Variants in PLEKHG5 observed in about 807,000 individuals in gnomAD.
The protein encoded by PLEKHG5 is pleckstrin homology domain-containing family G member 5.
PLEKHG5 carries 52 observed loss-of-function variants against 103.8 expected under a neutral mutation model. The ratio of observed to expected loss-of-function variants is 0.50; its 90% confidence interval spans 0.40 to 0.63. The LOEUF is 0.63. Ranked by LOEUF, PLEKHG5 falls within the 30% of genes least tolerant of loss-of-function variation. The probability of loss-of-function intolerance (pLI) is 0.00; values close to 1 mark genes in which losing one functional copy is unlikely to be tolerated. For missense variants in PLEKHG5, 1,205 were observed against 1,347.6 expected, an observed-to-expected ratio of 0.89 and a Z score of 1.66; for synonymous variants, 592 against 575.5, an observed-to-expected ratio of 1.03 and a Z score of -0.41.
In PLEKHG5 at chr1:6,475,638, G is replaced by T. The variant is rs943003350; in HGVS notation, c.150-116C>A. The T allele has an allele frequency of 4.0e-5, 37 of 923,884 alleles. 1 individual carries two copies. Among genetic ancestry groups the T allele is most frequent in the Middle Eastern group, 2.7e-4 (1 of 3,702 alleles). The allele number at this position is 923,884 out of a possible 1,614,324, so 57.2% of individuals were successfully genotyped here. On this transcript the variant is annotated intron_variant, in intron 3 of 20. Coordinates refer to ENST00000377728, the MANE Select transcript of PLEKHG5 (RefSeq NM_020631.6). ...GCTCACCCCAGGTGACAGGTAACCCGCGTGGATTCAACCCGGCCAGGCCCG... is the reference window on the plus strand; with the variant it reads ...GCTCACCCCAGGTGACAGGTAACCCTCGTGGATTCAACCCGGCCAGGCCCG...
In PLEKHG5 at chr1:6,490,895, A is replaced by AG. The variant is rs1362313059; in HGVS notation, c.-88+741dup. 1.3e-5 allele frequency among the ~76,000 whole-genome samples: 2 copies of AG among 151,980 alleles called. No individual in the cohort carries two copies. The highest frequency in any genetic ancestry group is 2.9e-5 in the Non-Finnish European group (2 of 67,976). ...AGCTCGCCCATCCCGGAAGGGGGCT[A>AG]GGGGGGACCAGGGCCCGCGACAGGA... On this transcript the variant is annotated intron_variant, in intron 1 of 20. Coordinates refer to ENST00000377728, the MANE Select transcript of PLEKHG5 (RefSeq NM_020631.6). The surrounding 1 kb of genome is among the most constrained non-coding windows in gnomAD (Gnocchi z 8.0).
chr1:6,509,212 G>A lies in PLEKHG5; in HGVS notation c.-165+10233C>T, dbSNP rs1016016191. ...CCCTGGGGCTGGGAGCTGTGGCCCTGGGCCCGGAGACCCTAAGATTTGCCT... is the reference window on the plus strand; with the variant it reads ...CCCTGGGGCTGGGAGCTGTGGCCCTAGGCCCGGAGACCCTAAGATTTGCCT... On this transcript the variant is annotated intron_variant, in intron 1 of 21. Coordinates refer to the PLEKHG5 transcript ENST00000377740. 3.3e-5 allele frequency among the ~76,000 whole-genome samples: 5 copies of A among 152,208 alleles called. No homozygotes were observed. In the East Asian group the frequency reaches 9.7e-4, roughly 29 times the overall value.
chr1:6,480,200 C>T (rs1488511312), intron 1 of PLEKHG5, among the ~76,000 whole-genome samples: 1 of 151,980 alleles, frequency 6.6e-6, no homozygotes, highest in African/African-American at 2.4e-5. Context: ...TCAAGACCAG[C>T]CTGGCCAACA....
Position 6,505,262 on chromosome 1 carries a change from C to T in PLEKHG5, c.-164-8693G>A, listed in dbSNP as rs534532217. On this transcript the variant is annotated intron_variant, in intron 1 of 21. Coordinates refer to the PLEKHG5 transcript ENST00000377740. The surrounding 1 kb of genome is among the most constrained non-coding windows in gnomAD (Gnocchi z 4.2). Reference sequence around the variant, plus strand: ...CACAGTGCCGGTCAGCCCACTGTGCCGACCAGCCTACAGTACCGACCAGCC... The same window carrying T: ...CACAGTGCCGGTCAGCCCACTGTGCTGACCAGCCTACAGTACCGACCAGCC... Among the ~76,000 whole-genome samples the T allele has an allele frequency of 7.9e-5, 12 of 152,132 alleles. No individual in the cohort carries two copies. The highest frequency in any genetic ancestry group is 2.0e-4 in the Admixed American group (3 of 15,284).
intron 1 of PLEKHG5, among the ~76,000 whole-genome samples, chr1:6,516,731 G>A (rs1341533804): frequency 1.4e-5 from 2 of 142,198 alleles, no homozygotes; most frequent in African/African-American, 2.6e-5. Context: ...ATATATATAT[G>A]TGTGTATATA....
At chr1:6,472,028 C>T (rs1375437105) in intron 10 of PLEKHG5, among the ~76,000 whole-genome samples, 1 of 152,216 alleles carries the variant, frequency 6.6e-6, no homozygotes, top group Non-Finnish European at 1.5e-5. Flanking sequence ...GTCACACTGC[C>T]CTGGTCCCTC....
upstream of PLEKHG5, chr1:6,497,347 GGGGCGGGCGGC>G: frequency 9.6e-7 from 1 of 1,043,378 alleles, no homozygotes; most frequent in Non-Finnish European, 1.2e-6. The surrounding 1 kb of genome is among the most constrained non-coding windows in gnomAD (Gnocchi z 6.1). Flanking sequence ...TGCCGCGCGG[GGGGCGGGCGGC>G]GGGCGGGGGC....
Position 6,490,502 on chromosome 1 carries a change from G to A in PLEKHG5, c.-88+1135C>T, listed in dbSNP as rs1645130197. On this transcript the variant is annotated intron_variant, in intron 1 of 20. Transcript: ENST00000377728. The surrounding 1 kb of genome is among the most constrained non-coding windows in gnomAD (Gnocchi z 8.0). ...TCTAAGGCTCTAAGGCTCGGGCCGAGACTGCCAAAGCCTCATGGGGCGCGC... is the reference window on the plus strand; with the variant it reads ...TCTAAGGCTCTAAGGCTCGGGCCGAAACTGCCAAAGCCTCATGGGGCGCGC... 1.0e-6 allele frequency: 1 copy of A among 985,180 alleles called. No individual in the cohort carries two copies. Among genetic ancestry groups the A allele is most frequent in the Admixed American group, 6.1e-5 (1 of 16,262 alleles). The allele number at this position is 985,180 out of a possible 1,614,324, so 61.0% of individuals were successfully genotyped here.
In PLEKHG5 at chr1:6,490,590, G is replaced by C; in HGVS notation, c.-88+1047C>G. The C allele has an allele frequency of 1.0e-6, 1 of 985,462 alleles. No homozygotes were observed. The highest frequency in any genetic ancestry group is 1.2e-6 in the Non-Finnish European group (1 of 829,942). 61.0% of individuals were successfully genotyped at this position (985,462 alleles called of 1,614,324 possible). A position where few individuals can be genotyped will look rare whatever the true frequency, so the allele number is the denominator to read the frequency against. ...CGACTCAGCGCAAACTGGGGCGCGG[G>C]ACGTAGGGGAATTACGGTAGCCGCG... On this transcript the variant is annotated intron_variant, in intron 1 of 20. Transcript: ENST00000377728. The surrounding 1 kb of genome is among the most constrained non-coding windows in gnomAD (Gnocchi z 8.0).
intron 1 of PLEKHG5, chr1:6,519,296 T>C (rs1487281124): frequency 4.2e-6 from 3 of 720,448 alleles, no homozygotes; most frequent in Admixed American, 2.0e-5. Context: ...TGAGACCAAA[T>C]GGATCCAGCC....
Position 6,473,368 on chromosome 1 carries a change from G to A in PLEKHG5, c.678C>T (p.Cys226=). ...TGCCACTGCTGCCGCTGGGCAGAGA[G>A]CAGCTGGAGGGCGTGGGGGGCTCCT... The part of the protein sequence containing the change: ...PGQEPPTPSS[C]SLPSGSSGST... Residue 226 remains cysteine (C), a synonymous_variant, in exon 8 of 21, where the codon TGC becomes TGT. Coordinates refer to ENST00000377728, the MANE Select transcript of PLEKHG5 (RefSeq NM_020631.6). 1 of 1,550,034 alleles carries A rather than the reference G, an allele frequency of 6.5e-7. No individual in the cohort carries two copies. The highest frequency in any genetic ancestry group is 8.7e-7 in the Non-Finnish European group (1 of 1,147,066).
chr1:6,469,803 A>T, intron 16 of PLEKHG5, 127 bp from the exon 17 acceptor site: 1 of 809,130 alleles, frequency 1.2e-6, no homozygotes, highest in South Asian at 1.7e-5. Context: ...CCTTCAAGTA[A>T]AATTAAAATG....
upstream of PLEKHG5, chr1:6,496,642 C>T: frequency 1.8e-6 from 2 of 1,127,674 alleles, no homozygotes; most frequent in Non-Finnish European, 2.5e-6. Flanking sequence ...GCCTCCCAAC[C>T]GGAGGAGGGG....
At chr1:6,474,375 G>T in intron 6 of PLEKHG5, 76 bp downstream of exon 6, 1 of 1,566,532 alleles carries the variant, frequency 6.4e-7, no homozygotes, top group Non-Finnish European at 8.7e-7. Flanking sequence ...ATGGGAACCT[G>T]AGCCTGGGAA....
Position 6,467,851 on chromosome 1 carries a change from C to G in PLEKHG5, c.2985G>C (p.Leu995=). ...AGGCAGTGAGCGTGGAGTTAAGCAG[C>G]AGGGTGGTCCTGATTCGGTAGAGCT... is the stretch of plus-strand genomic sequence containing the variant. ...LAQLYRIRTT[L]LLNSTLTASE... Residue 995 remains leucine (L), a synonymous_variant, in exon 20 of 21, where the codon CTG becomes CTC. Transcript: ENST00000377728. 1.9e-6 allele frequency: 3 copies of G among 1,613,224 alleles called. No individual in the cohort carries two copies. The highest frequency in any genetic ancestry group is 2.5e-6 in the Non-Finnish European group (3 of 1,179,900).
chr1:6,503,115 T>C (rs1645314405), intron 1 of PLEKHG5, among the ~76,000 whole-genome samples: 1 of 152,140 alleles, frequency 6.6e-6, no homozygotes. Context: ...AGGAGCCTAG[T>C]TTTAAAGAGC....
intron 1 of PLEKHG5, among the ~76,000 whole-genome samples, chr1:6,518,455 G>T (rs1388776954): frequency 1.3e-5 from 2 of 151,144 alleles, no homozygotes; most frequent in South Asian, 4.2e-4. Flanking sequence ...AGCTACTCGG[G>T]AGGCTGAGGC....
At chr1:6,507,028 C>G (rs549367908) in intron 1 of PLEKHG5, among the ~76,000 whole-genome samples, 1 of 152,280 alleles carries the variant, frequency 6.6e-6, no homozygotes, top group African/African-American at 2.4e-5. Context: ...CAGAAAGAAC[C>G]ATGAGAAGAA....
chr1:6,497,311 T>A, upstream of PLEKHG5: 1 of 1,131,848 alleles, frequency 8.8e-7, no homozygotes, highest in South Asian at 1.4e-5. The surrounding 1 kb of genome is among the most constrained non-coding windows in gnomAD (Gnocchi z 6.1). Context: ...GGTCCCCGCC[T>A]GCACTCACCC....
Sources: allele counts gnomAD v4.1 joint callset (sites outside exome capture counted in the v4.1 genomes callset), GRCh38; gene constraint gnomAD v4.1.1; non-coding constraint Gnocchi (gnomAD v3.1); transcripts MANE v1.5; gene names NCBI Gene and HGNC (gene_info 2026-07-23, HGNC 2026-07-21).